Variants in CNTNAP2 observed in about 807,000 individuals in gnomAD.
CNTNAP2 encodes the protein contactin associated protein 2.
Under a neutral mutation model 155.2 loss-of-function variants are expected in CNTNAP2, and 98 were observed. The ratio of observed to expected loss-of-function variants is 0.63; its 90% CI spans 0.54 to 0.75. CNTNAP2 has a LOEUF of 0.75. CNTNAP2 is among the 30% of genes least tolerant of loss of function. The pLI, the probability that CNTNAP2 is intolerant of heterozygous loss-of-function variation, is 0.00. For synonymous variants in CNTNAP2, 651 were observed against 631.2 expected, an observed-to-expected ratio of 1.03 and a Z score of -0.47; for missense variants, 1,727 against 1,688.1, an observed-to-expected ratio of 1.02 and a Z score of -0.40.
chr7:147,673,436 T>C (rs980782617), intron 13 of CNTNAP2, among the ~76,000 whole-genome samples: 2 of 152,220 alleles, frequency 1.3e-5, no homozygotes, highest in African/African-American at 4.8e-5. Flanking sequence ...AATAGTGAAG[T>C]AATTATCCAC....
In CNTNAP2 at chr7:147,919,459, C is replaced by CTTTCTTTTT. The variant is rs58537091; in HGVS notation, c.2255+15741_2255+15742insCTTTTTTTT. Among the ~76,000 whole-genome samples the CTTTCTTTTT allele has an allele frequency of 3.5e-4, 18 of 51,232 alleles. 3 individuals are homozygous for CTTTCTTTTT. Among genetic ancestry groups the CTTTCTTTTT allele is most frequent in the East Asian group, 1.6e-3 (2 of 1,256 alleles). 33.6% of individuals were successfully genotyped at this position (51,232 alleles called of 152,430 possible). A position where few individuals can be genotyped will look rare whatever the true frequency, so the allele number is the denominator to read the frequency against. On this transcript the variant is annotated intron_variant, in intron 14 of 23. Coordinates refer to ENST00000361727, the MANE Select transcript of CNTNAP2 (RefSeq NM_014141.6). ...CACCATGTCTGGCTACTTTTTCTTT[C>CTTTCTTTTT]TTTTTTTTTTTTTTTTTGAGACAGA...
At chr7:148,284,869 T>C (rs977464401) in intron 21 of CNTNAP2, among the ~76,000 whole-genome samples, 2 of 152,222 alleles carry the variant, frequency 1.3e-5, no homozygotes, top group African/African-American at 4.8e-5. Context: ...AAAAACACAA[T>C]GAAATGGTAA....
At chr7:146,989,916 T>C (rs888186959) in intron 3 of CNTNAP2, among the ~76,000 whole-genome samples, 10 of 96,888 alleles carry the variant, frequency 1.0e-4, no homozygotes, top group Non-Finnish European at 1.9e-4. Context: ...GTTAGTGCCA[T>C]TGATTTTTTT....
intron 15 of CNTNAP2, 155 bp downstream of exon 15, chr7:147,978,144 C>A: frequency 1.9e-6 from 2 of 1,064,488 alleles, no homozygotes; most frequent in Non-Finnish European, 2.8e-6. Context: ...AGGAGGGGAA[C>A]AGCCATAAAG....
rs1164120928 is a variant in CNTNAP2 at position 146,838,401 on chromosome 7, T to C, written c.209-1310T>C. Reference sequence around the variant, plus strand: ...GGCACCATCTTGGCTCACTGCAACCTCTGCCTCCCAGGTTCAAGCAATTCT... The same window carrying C: ...GGCACCATCTTGGCTCACTGCAACCCCTGCCTCCCAGGTTCAAGCAATTCT... On this transcript the variant is annotated intron_variant, in intron 2 of 23. Transcript: ENST00000361727. Among the ~76,000 whole-genome samples the C allele has an allele frequency of 2.6e-5, 4 of 152,328 alleles. No homozygotes were observed. In the East Asian group the frequency reaches 7.7e-4, roughly 29 times the overall value.
At chr7:146,325,317 A>G (rs1017601936) in intron 1 of CNTNAP2, among the ~76,000 whole-genome samples, 6 of 152,208 alleles carry the variant, frequency 3.9e-5, no homozygotes, top group African/African-American at 1.2e-4. Context: ...CTTAAAATGT[A>G]CAATATATGT....
chr7:146,486,697 T>A (rs1482302526), intron 1 of CNTNAP2, among the ~76,000 whole-genome samples: 1 of 152,150 alleles, frequency 6.6e-6, no homozygotes, highest in African/African-American at 2.4e-5. Context: ...GTGACAGATC[T>A]GGGAGCAAGT....
chr7:146,965,646 C>A (rs1797642886), intron 3 of CNTNAP2, among the ~76,000 whole-genome samples: 1 of 151,802 alleles, frequency 6.6e-6, no homozygotes, highest in African/African-American at 2.4e-5. Flanking sequence ...GAAGAGGACC[C>A]TTAAAAGTTT....
At chr7:147,107,285 G>A (rs1800785223) in intron 4 of CNTNAP2, among the ~76,000 whole-genome samples, 1 of 151,976 alleles carries the variant, frequency 6.6e-6, no homozygotes, top group South Asian at 2.1e-4. Flanking sequence ...TTTATTTCTG[G>A]TGTGAAATAA....
At chr7:146,675,178 A>T (rs370367487) in intron 1 of CNTNAP2, among the ~76,000 whole-genome samples, 88 of 152,234 alleles carry the variant, frequency 5.8e-4, no homozygotes, top group African/African-American at 1.9e-3. Flanking sequence ...GAGAAAAAAA[A>T]AATAATAAAT....
intron 1 of CNTNAP2, among the ~76,000 whole-genome samples, chr7:146,470,717 G>A (rs930061089): frequency 2.6e-5 from 4 of 151,894 alleles, no homozygotes; most frequent in African/African-American, 7.3e-5. Flanking sequence ...TTACAGGTAC[G>A]CACCACCACA....
intron 13 of CNTNAP2, among the ~76,000 whole-genome samples, chr7:147,828,248 GC>G (rs879579335): frequency 4.6e-5 from 7 of 152,152 alleles, no homozygotes; most frequent in Non-Finnish European, 7.3e-5. Context: ...GGGCATTGAA[GC>G]CCAAGGTTAA....
chr7:147,641,714 C>A (rs1795281418), intron 13 of CNTNAP2, among the ~76,000 whole-genome samples: 2 of 152,020 alleles, frequency 1.3e-5, no homozygotes, highest in South Asian at 4.2e-4. Flanking sequence ...AGAAACAGAG[C>A]TCTGTCATGT....
intron 20 of CNTNAP2, among the ~76,000 whole-genome samples, chr7:148,266,707 C>T (rs968439282): frequency 1.3e-5 from 2 of 152,138 alleles, no homozygotes; most frequent in East Asian, 3.9e-4. Context: ...GAGGCTGACA[C>T]TGGAGATTGG....
intron 1 of CNTNAP2, among the ~76,000 whole-genome samples, chr7:146,209,341 C>T (rs868679840): frequency 6.6e-6 from 1 of 152,154 alleles, no homozygotes. Flanking sequence ...ACTTCCTTCA[C>T]CTTGGATCTC....
At chr7:146,425,622 A>T (rs1238388028) in intron 1 of CNTNAP2, among the ~76,000 whole-genome samples, 1 of 152,166 alleles carries the variant, frequency 6.6e-6, no homozygotes, top group Non-Finnish European at 1.5e-5. Context: ...GTATTTTCTT[A>T]TATCTGAAGA....
intron 9 of CNTNAP2, among the ~76,000 whole-genome samples, chr7:147,338,458 G>A (rs145323463): frequency 0.019 from 2,819 of 152,156 alleles, 42 homozygotes; most frequent in Non-Finnish European, 0.027. Context: ...TAGAACATAA[G>A]AAGAAAGAGT....
At chr7:147,655,053 TC>T (rs1255294019) in intron 13 of CNTNAP2, among the ~76,000 whole-genome samples, 4 of 152,010 alleles carry the variant, frequency 2.6e-5, no homozygotes, top group African/African-American at 9.7e-5. Flanking sequence ...CCTCAGGTGA[TC>T]CACCCGCCTG....
chr7:146,147,999 T>G (rs1797980447), intron 1 of CNTNAP2, among the ~76,000 whole-genome samples: 2 of 152,108 alleles, frequency 1.3e-5, no homozygotes, highest in African/African-American at 2.4e-5. Context: ...GCAGAATTCC[T>G]AGAAAGAAAA....
Sources: gnomAD v4.1 joint callset for allele counts (sites outside exome capture counted in the v4.1 genomes callset) on GRCh38, gnomAD v4.1.1 for gene constraint, MANE v1.5 for transcripts, NCBI Gene and HGNC (gene_info 2026-07-23, HGNC 2026-07-21) for gene names.